Variants in ADGRB3 observed in about 807,000 individuals in gnomAD.
The protein encoded by ADGRB3 is adhesion G protein-coupled receptor B3, also known as brain-specific angiogenesis inhibitor 3.
ADGRB3 carries 37 observed loss-of-function variants against 193.4 expected under a neutral mutation model. That is an observed-to-expected ratio of 0.19 (90% CI 0.15 to 0.25). The LOEUF is 0.25. Ranked by LOEUF, ADGRB3 falls within the 10% of genes least tolerant of loss-of-function variation. ADGRB3 has a pLI of 1.00. For missense variants in ADGRB3, 1,637 were observed against 1,852.9 expected (o/e 0.88, Z 2.14); for synonymous variants, 690 against 644.2 (o/e 1.07, Z -1.08).
At chr6:69,092,793 G>T (rs549801142) in intron 17 of ADGRB3, among the ~76,000 whole-genome samples, 1 of 152,268 alleles carries the variant, frequency 6.6e-6, no homozygotes, top group East Asian at 1.9e-4. Context: ...GACATTGGAC[G>T]ATTAAATGTT....
chr6:69,350,376 G>A (rs547640022), intron 26 of ADGRB3, among the ~76,000 whole-genome samples: 1 of 149,142 alleles, frequency 6.7e-6, no homozygotes, highest in African/African-American at 2.5e-5. Context: ...TTACATATCT[G>A]TTCCTTGCTA....
chr6:69,274,343 C>T (rs2127280834), intron 20 of ADGRB3, among the ~76,000 whole-genome samples: 1 of 152,236 alleles, frequency 6.6e-6, no homozygotes, highest in Non-Finnish European at 1.5e-5. Flanking sequence ...AGTGTTCATG[C>T]CAAGAAATAA....
intron 3 of ADGRB3, among the ~76,000 whole-genome samples, chr6:68,652,133 A>G (rs555035809): frequency 2.0e-5 from 3 of 152,078 alleles, no homozygotes; most frequent in South Asian, 2.1e-4. Context: ...AGCTTTCTCT[A>G]TGGTGCTTCT....
At chr6:68,838,556 C>A (rs1272840548) in intron 3 of ADGRB3, among the ~76,000 whole-genome samples, 1 of 152,112 alleles carries the variant, frequency 6.6e-6, no homozygotes. Flanking sequence ...ACAAGTGATA[C>A]TATAATTAAT....
At chr6:69,212,375 A>T (rs1765685447) in intron 17 of ADGRB3, among the ~76,000 whole-genome samples, 1 of 152,190 alleles carries the variant, frequency 6.6e-6, no homozygotes, top group Non-Finnish European at 1.5e-5. Flanking sequence ...AGTATTTCAG[A>T]CCGCACTATC....
chr6:69,095,819 A>G (rs1248225428), intron 17 of ADGRB3, among the ~76,000 whole-genome samples: 1 of 152,186 alleles, frequency 6.6e-6, no homozygotes, highest in East Asian at 1.9e-4. Context: ...GCGTGCACAC[A>G]CACACACACA....
chr6:68,967,313 A>G (rs1452498804), intron 8 of ADGRB3, among the ~76,000 whole-genome samples: 5 of 152,194 alleles, frequency 3.3e-5, no homozygotes, highest in Admixed American at 3.3e-4. Context: ...AGTCATTAAG[A>G]AGATAAAATT....
intron 3 of ADGRB3, among the ~76,000 whole-genome samples, chr6:68,646,083 T>C (rs1768207053): frequency 6.6e-6 from 1 of 152,224 alleles, no homozygotes; most frequent in Non-Finnish European, 1.5e-5. Flanking sequence ...TCTTATGCAA[T>C]TTTCTCATAA....
intron 17 of ADGRB3, among the ~76,000 whole-genome samples, chr6:69,210,862 TC>T (rs199780010): frequency 0.011 from 1,643 of 152,004 alleles, 33 homozygotes; most frequent in African/African-American, 0.038. Context: ...ACGCCTGTAA[TC>T]CCAGCACTTT....
chr6:69,141,267 G>C (rs1774335021), intron 17 of ADGRB3, among the ~76,000 whole-genome samples: 1 of 152,024 alleles, frequency 6.6e-6, no homozygotes, highest in Admixed American at 6.6e-5. Context: ...GGGACTACAG[G>C]AGCCCGCCAC....
intron 3 of ADGRB3, among the ~76,000 whole-genome samples, chr6:68,736,651 A>G (rs996963235): frequency 2.0e-5 from 3 of 152,210 alleles, no homozygotes; most frequent in Non-Finnish European, 4.4e-5. Flanking sequence ...AGAGATGACC[A>G]AAAGAGAATG....
chr6:68,787,689 C>G (rs1200311040), intron 3 of ADGRB3, among the ~76,000 whole-genome samples: 1 of 152,056 alleles, frequency 6.6e-6, no homozygotes, highest in Non-Finnish European at 1.5e-5. Flanking sequence ...AGGGAGGATT[C>G]CCTCTTTTTC....
chr6:69,332,389 G>A, intron 23 of ADGRB3: 1 of 985,364 alleles, frequency 1.0e-6, no homozygotes, highest in East Asian at 1.1e-4. Context: ...TTTCTGCTTA[G>A]AAAAGCATGG....
chr6:68,845,649 C>G (rs1768259047), intron 3 of ADGRB3, among the ~76,000 whole-genome samples: 1 of 152,130 alleles, frequency 6.6e-6, no homozygotes, highest in African/African-American at 2.4e-5. Flanking sequence ...GGTGTTTCTG[C>G]TTTTGCTTCT....
chr6:68,814,416 C>G (rs371209351), intron 3 of ADGRB3, among the ~76,000 whole-genome samples: 3 of 151,996 alleles, frequency 2.0e-5, no homozygotes, highest in Non-Finnish European at 4.4e-5. Flanking sequence ...TTGTTTTTTT[C>G]TTGTAAATTT....
At chr6:69,247,148 A>G (rs542257850) in intron 20 of ADGRB3, among the ~76,000 whole-genome samples, 1 of 152,122 alleles carries the variant, frequency 6.6e-6, no homozygotes, top group African/African-American at 2.4e-5. Context: ...GAAATATCTT[A>G]AATTTAAAGA....
intron 27 of ADGRB3, 71 bp downstream of exon 27, chr6:69,354,399 A>C (rs1420490559): frequency 2.3e-6 from 3 of 1,303,678 alleles, no homozygotes; most frequent in Non-Finnish European, 3.3e-6. Flanking sequence ...AATCCTTATG[A>C]GTAAAATAGT....
At chr6:69,098,868 C>T (rs940124682) in intron 17 of ADGRB3, among the ~76,000 whole-genome samples, 13 of 152,022 alleles carry the variant, frequency 8.6e-5, no homozygotes, top group African/African-American at 2.4e-4. Context: ...TAAAATGTCA[C>T]GAGTTGTCTT....
intron 17 of ADGRB3, among the ~76,000 whole-genome samples, chr6:69,180,166 G>T (rs1426776007): frequency 1.3e-5 from 2 of 152,236 alleles, no homozygotes; most frequent in African/African-American, 4.8e-5. Flanking sequence ...TCCTAATTCA[G>T]AAAGCAGCTG....
Sources: allele counts gnomAD v4.1 joint callset (sites outside exome capture counted in the v4.1 genomes callset), GRCh38; gene constraint gnomAD v4.1.1; transcripts MANE v1.5; gene names NCBI Gene and HGNC (gene_info 2026-07-23, HGNC 2026-07-21).